The following HNMT variants were observed in gnomAD, a reference collection of about 807,000 sequenced individuals.
HNMT encodes the protein histamine N-methyltransferase.
In HNMT, 30 loss-of-function variants were observed where a neutral mutation model predicts 32.1. The ratio of observed to expected loss-of-function variants is 0.93; its 90% CI spans 0.70 to 1.27. HNMT has a LOEUF of 1.27. HNMT is among the 50% of genes most tolerant of loss of function. HNMT has a pLI of 0.00. For missense variants in HNMT, 327 were observed against 346.0 expected (o/e 0.95, Z 0.43); for synonymous variants, 125 against 119.0 (o/e 1.05, Z -0.33).
At chr2:138,009,819 C>T (rs953176973) in intron 5 of HNMT, among the ~76,000 whole-genome samples, 6 of 152,022 alleles carry the variant, frequency 3.9e-5, no homozygotes, top group Admixed American at 2.6e-4. Flanking sequence ...CCTCATCAGC[C>T]GAGGTGTTCC....
chr2:138,006,684 T>C (rs1466595425), intron 5 of HNMT, among the ~76,000 whole-genome samples: 3 of 152,136 alleles, frequency 2.0e-5, no homozygotes, highest in Admixed American at 6.6e-5. Context: ...AAGACCAAAA[T>C]AAACCCAATG....
intron 1 of HNMT, among the ~76,000 whole-genome samples, chr2:137,964,972 C>T (rs994979767): frequency 6.6e-6 from 1 of 152,156 alleles, no homozygotes; most frequent in Non-Finnish European, 1.5e-5. Flanking sequence ...AATTTTACAT[C>T]CCAAAAAAGT....
At chr2:137,967,165 C>A in intron 1 of HNMT, 1 of 770,236 alleles carries the variant, frequency 1.3e-6, no homozygotes, top group Non-Finnish European at 2.4e-6. Context: ...AATCCTAGCA[C>A]TTCGGGAGGC....
intron 2 of HNMT, among the ~76,000 whole-genome samples, chr2:137,995,802 TA>T (rs1297490528): frequency 2.6e-5 from 4 of 151,660 alleles, no homozygotes; most frequent in Non-Finnish European, 5.9e-5. Flanking sequence ...AGCAGCACAT[TA>T]AAAAAAATTA....
In HNMT at chr2:137,966,965, G is replaced by A. The variant is rs76470479; in HGVS notation, c.137+2337G>A. On this transcript the variant is annotated intron_variant, in intron 1 of 5. Transcript: ENST00000280097. ...TTAAGAACTTTAAGAGTGAACGAGA[G>A]GTAAACTTTTTGAGACTTTGTATGT... 7.5e-4 allele frequency: 517 copies of A among 685,832 alleles called. 5 individuals carry two copies. Among genetic ancestry groups the A allele is most frequent in the Non-Finnish European group, 8.4e-4 (320 of 379,628 alleles). The allele number at this position is 685,832 out of a possible 1,614,324, so 42.5% of individuals were successfully genotyped here.
At chr2:137,991,173 G>C (rs114579705) in intron 2 of HNMT, among the ~76,000 whole-genome samples, 15 of 152,308 alleles carry the variant, frequency 9.8e-5, no homozygotes, top group African/African-American at 3.6e-4. Context: ...GAGCTTTCAT[G>C]CTCTGCCTGG....
Position 137,970,207 on chromosome 2 carries a change from CG to C in HNMT, c.182del (p.Gly61GlufsTer42). On this transcript the variant is annotated frameshift_variant, in exon 2 of 6. Transcript: ENST00000280097. LOFTEE classifies it high-confidence loss of function. ...CAGAAATTAAGATTCTAAGCATAGG[CG>C]GAGGTGCAGGTATGAGTAATATATT... ...KSEIKILSIG[G>X]GAGEIDLQIL... is the part of the protein sequence containing the mutation. 1.3e-6 allele frequency: 2 copies of C among 1,562,624 alleles called. No homozygotes were observed. The highest frequency in any genetic ancestry group is 2.7e-5 in the African/African-American group (2 of 73,632).
chr2:137,979,358 C>T (rs928669569), intron 2 of HNMT, among the ~76,000 whole-genome samples: 9 of 151,312 alleles, frequency 5.9e-5, no homozygotes, highest in Admixed American at 2.6e-4. Flanking sequence ...GCAAGCTCCG[C>T]CTCCCGGGTT....
chr2:137,964,742 T>C (rs1264957761), intron 1 of HNMT, 114 bp downstream of exon 1: 3 of 994,252 alleles, frequency 3.0e-6, no homozygotes, highest in East Asian at 2.4e-5. Context: ...GGCGAATTAC[T>C]GATAGCAGCT....
chr2:137,970,547 T>A (rs1274520371), intron 2 of HNMT, among the ~76,000 whole-genome samples: 1 of 152,170 alleles, frequency 6.6e-6, no homozygotes. Flanking sequence ...AATAAGCTTC[T>A]TAAGTTTGTG....
At chr2:138,010,508 G>A (rs1306018670) in intron 5 of HNMT, among the ~76,000 whole-genome samples, 3 of 144,008 alleles carry the variant, frequency 2.1e-5, no homozygotes, top group East Asian at 4.2e-4. Flanking sequence ...CCAGACAAAA[G>A]CAATAAAGAA....
intron 1 of HNMT, among the ~76,000 whole-genome samples, chr2:137,968,744 A>G (rs547738981): frequency 3.9e-5 from 6 of 152,228 alleles, no homozygotes; most frequent in Admixed American, 3.9e-4. Context: ...GAAGAAGGCA[A>G]ATCATTTATA....
intron 2 of HNMT, among the ~76,000 whole-genome samples, chr2:137,971,925 T>C (rs1006534893): frequency 3.3e-5 from 5 of 152,150 alleles, no homozygotes; most frequent in African/African-American, 1.2e-4. Flanking sequence ...CAGTAATGGT[T>C]ACAACTCGAT....
chr2:137,981,345 C>T (rs1680492505), intron 2 of HNMT: 1 of 1,613,064 alleles, frequency 6.2e-7, no homozygotes, highest in Non-Finnish European at 8.5e-7. Context: ...CCATTTGGAG[C>T]TGCCCGTTTA....
Position 138,001,044 on chromosome 2 carries a change from C to G in HNMT, c.298+19C>G. On this transcript the variant is annotated intron_variant, in intron 3 of 5. Transcript: ENST00000280097. ...TACAAAGGTACCTGTAACTCCTGGT[C>G]CTCTACACCAGATCCTATCCCAAAA... The G allele has an allele frequency of 7.8e-7, 1 of 1,285,838 alleles. No individual in the cohort carries two copies. The highest frequency in any genetic ancestry group is 1.3e-5 in the South Asian group (1 of 78,798). 79.7% of individuals were successfully genotyped at this position (1,285,838 alleles called of 1,614,324 possible). A position where few individuals can be genotyped will look rare whatever the true frequency, so the allele number is the denominator to read the frequency against.
chr2:138,010,197 A>G (rs1681451613), intron 5 of HNMT, among the ~76,000 whole-genome samples: 1 of 152,064 alleles, frequency 6.6e-6, no homozygotes, highest in African/African-American at 2.4e-5. Flanking sequence ...CTGTTCCTAC[A>G]TCTTTGTAAA....
chr2:138,005,354 G>A (rs1025619937), intron 5 of HNMT, 129 bp downstream of exon 5: 9 of 634,018 alleles, frequency 1.4e-5, no homozygotes, highest in Admixed American at 2.7e-5. Context: ...TCTAATCATA[G>A]CCAATTAATT....
At chr2:138,012,910 C>G (rs1209426045) in intron 5 of HNMT, among the ~76,000 whole-genome samples, 1 of 152,070 alleles carries the variant, frequency 6.6e-6, no homozygotes, top group Admixed American at 6.6e-5. Context: ...CCACCTATCC[C>G]CCAGGTGATT....
chr2:138,012,363 C>T (rs544706414), intron 5 of HNMT, among the ~76,000 whole-genome samples: 2 of 152,118 alleles, frequency 1.3e-5, no homozygotes, highest in South Asian at 4.2e-4. Context: ...TAAGGTATTC[C>T]GTAGCTTCTC....
Sources: gnomAD v4.1 joint callset for allele counts (sites outside exome capture counted in the v4.1 genomes callset) on GRCh38, gnomAD v4.1.1 for gene constraint, MANE v1.5 for transcripts, NCBI Gene and HGNC (gene_info 2026-07-23, HGNC 2026-07-21) for gene names.